The following ST3GAL2 variants were observed in gnomAD, a reference collection of about 807,000 sequenced individuals.
The protein encoded by ST3GAL2 is ST3 beta-galactoside alpha-2,3-sialyltransferase 2.
Under a neutral mutation model 37.5 loss-of-function variants are expected in ST3GAL2, and 16 were observed. The observed-to-expected ratio is 0.43, with a 90% CI of 0.29 to 0.65. ST3GAL2 has a LOEUF of 0.65. Ranked by LOEUF, ST3GAL2 falls within the 30% of genes least tolerant of loss-of-function variation. The pLI is 0.17. For missense variants in ST3GAL2, 383 were observed against 487.8 expected (o/e 0.79, Z 2.02); for synonymous variants, 238 against 202.9 (o/e 1.17, Z -1.47).
intron 1 of ST3GAL2, among the ~76,000 whole-genome samples, chr16:70,422,280 G>A (rs1345519359): frequency 6.6e-6 from 1 of 152,230 alleles, no homozygotes; most frequent in Non-Finnish European, 1.5e-5. Context: ...GTAGGCTGTG[G>A]AGTGCTGTAT....
intron 4 of ST3GAL2, among the ~76,000 whole-genome samples, chr16:70,384,264 T>C (rs1020035762): frequency 2.4e-4 from 37 of 152,166 alleles, no homozygotes; most frequent in Admixed American, 2.2e-3. Context: ...TATCCCTACA[T>C]TGGCATAGTA....
In ST3GAL2 at chr16:70,381,311, C is replaced by G. The variant is rs1280225598; in HGVS notation, c.*378G>C. On this transcript the variant is annotated 3_prime_UTR_variant, in exon 7 of 7. Coordinates refer to ENST00000342907, the MANE Select transcript of ST3GAL2 (RefSeq NM_006927.4). ...TACTAAGACGATCCTCCGCCCGAGG[C>G]TGACGGAAGTGCTTCGCCGAGGCCC... 5.2e-6 allele frequency: 1 copy of G among 193,692 alleles called. No homozygotes were observed. Among genetic ancestry groups the G allele is most frequent in the Non-Finnish European group, 1.1e-5 (1 of 92,454 alleles). 12.0% of individuals were successfully genotyped at this position (193,692 alleles called of 1,614,324 possible). A position where few individuals can be genotyped will look rare whatever the true frequency, so the allele number is the denominator to read the frequency against.
intron 1 of ST3GAL2, among the ~76,000 whole-genome samples, chr16:70,435,856 AGTAGCTCACGC>A (rs1251619488): frequency 6.6e-6 from 1 of 151,826 alleles, no homozygotes; most frequent in African/African-American, 2.4e-5. Flanking sequence ...AGCTGGGCGG[AGTAGCTCACGC>A]CTCTAATCCC....
chr16:70,421,176 A>G (rs983166339), intron 1 of ST3GAL2, among the ~76,000 whole-genome samples: 19 of 152,224 alleles, frequency 1.2e-4, no homozygotes, highest in African/African-American at 4.3e-4. Flanking sequence ...CCCGAGCTCC[A>G]GCTGAGCAGT....
intron 1 of ST3GAL2, among the ~76,000 whole-genome samples, chr16:70,431,987 T>TA (rs869225706): frequency 4.2e-5 from 5 of 117,942 alleles, no homozygotes; most frequent in East Asian, 3.9e-4. Context: ...ATATATATAT[T>TA]TTTTTTTAAC....
chr16:70,417,348 C>T (rs2047683207), intron 1 of ST3GAL2, among the ~76,000 whole-genome samples: 1 of 151,862 alleles, frequency 6.6e-6, no homozygotes, highest in South Asian at 2.1e-4. Context: ...CTCCCTGGGG[C>T]CCCACTCCCA....
intron 1 of ST3GAL2, among the ~76,000 whole-genome samples, chr16:70,414,251 G>A (rs750916804): frequency 5.9e-5 from 9 of 152,152 alleles, no homozygotes; most frequent in Non-Finnish European, 1.2e-4. Flanking sequence ...AACACAATGA[G>A]GGCAGGAGAC....
chr16:70,422,985 A>C (rs975657108), intron 1 of ST3GAL2: 6 of 152,230 alleles, frequency 3.9e-5, no homozygotes, highest in African/African-American at 1.4e-4. Context: ...CTTCCAAAGG[A>C]GGAGACAGAG....
intron 1 of ST3GAL2, among the ~76,000 whole-genome samples, chr16:70,405,533 T>C (rs1597566244): frequency 2.0e-5 from 2 of 100,110 alleles, no homozygotes; most frequent in African/African-American, 4.5e-5. Context: ...ACAGTGAGAC[T>C]CCGTCTTAAA....
chr16:70,434,442 A>C (rs1162686581), intron 1 of ST3GAL2, among the ~76,000 whole-genome samples: 1 of 145,724 alleles, frequency 6.9e-6, no homozygotes, highest in Non-Finnish European at 1.5e-5. Flanking sequence ...TCTCAAAAAC[A>C]AAAAAAAAAA....
chr16:70,428,817 G>A (rs1032703927), intron 1 of ST3GAL2, among the ~76,000 whole-genome samples: 1 of 152,202 alleles, frequency 6.6e-6, no homozygotes, highest in Non-Finnish European at 1.5e-5. Context: ...TGGCTGTGCG[G>A]CTGACCCAGC....
chr16:70,404,377 T>G (rs1278654417), intron 1 of ST3GAL2, among the ~76,000 whole-genome samples: 1 of 152,160 alleles, frequency 6.6e-6, no homozygotes. Context: ...GACCACTGGA[T>G]GGAGGGCAGT....
In ST3GAL2 at chr16:70,383,348, C is replaced by T. The variant is rs759666916; in HGVS notation, c.714-113G>A. On this transcript the variant is annotated intron_variant, in intron 4 of 6. Coordinates refer to ENST00000342907, the MANE Select transcript of ST3GAL2 (RefSeq NM_006927.4). The stretch of plus-strand genomic sequence containing the variant: ...GGTGGATCACCTGAGGCCAGGAGTT[C>T]GAGGCCAGCCGGATCACCTGAGGCC... 4.7e-4 allele frequency: 438 copies of T among 941,388 alleles called. 1 individual carries two copies. Among genetic ancestry groups the T allele is most frequent in the Non-Finnish European group, 6.3e-4 (414 of 661,340 alleles). 58.3% of individuals were successfully genotyped at this position (941,388 alleles called of 1,614,324 possible). A position where few individuals can be genotyped will look rare whatever the true frequency, so the allele number is the denominator to read the frequency against.
At chr16:70,411,798 C>A (rs1394969081) in intron 1 of ST3GAL2, among the ~76,000 whole-genome samples, 1 of 152,064 alleles carries the variant, frequency 6.6e-6, no homozygotes, top group African/African-American at 2.4e-5. Context: ...AGTTCGAGAG[C>A]AGCCTGACCA....
rs1447290595 is a variant in ST3GAL2, at chr16:70,376,908, A to C, written c.*4781T>G. 1 of 151,784 alleles carries C rather than the reference A, an allele frequency of 6.6e-6. No homozygotes were observed. Among genetic ancestry groups the C allele is most frequent in the East Asian group, 1.9e-4 (1 of 5,146 alleles). 9.4% of individuals were successfully genotyped at this position (151,784 alleles called of 1,614,324 possible). A position where few individuals can be genotyped will look rare whatever the true frequency, so the allele number is the denominator to read the frequency against. On this transcript the variant is annotated 3_prime_UTR_variant, in exon 7 of 7. Coordinates refer to ENST00000342907, the MANE Select transcript of ST3GAL2 (RefSeq NM_006927.4). ...AGCCGTCTGCCACTAAGCCTGGCCA[A>C]TTTTTTGTATTTTTAGTAGAGACGG...
chr16:70,408,365 G>T (rs916920799), intron 1 of ST3GAL2, among the ~76,000 whole-genome samples: 3 of 151,992 alleles, frequency 2.0e-5, no homozygotes, highest in African/African-American at 7.2e-5. Flanking sequence ...CCTCCTGGGT[G>T]GGGGGCAGCA....
chr16:70,411,862 C>T (rs868197998), intron 1 of ST3GAL2, among the ~76,000 whole-genome samples: 6 of 151,860 alleles, frequency 4.0e-5, no homozygotes. Context: ...GGTGTGGTGG[C>T]GGATGTCTGT....
chr16:70,399,240 G>GGCCCCA lies in ST3GAL2; in HGVS notation c.-716_-711dup, dbSNP rs1438960101. The GGCCCCA allele has an allele frequency of 4.5e-5, 18 of 398,798 alleles. No homozygotes were observed. Among genetic ancestry groups the GGCCCCA allele is most frequent in the African/African-American group, 3.7e-4 (18 of 48,766 alleles). The allele number at this position is 398,798 out of a possible 1,614,324, so 24.7% of individuals were successfully genotyped here. On this transcript the variant is annotated 5_prime_UTR_variant, in exon 2 of 7. Transcript: ENST00000342907. ...TGAGGTGCTGGTCCCTTCTCCTGGT[G>GGCCCCA]GCCCCAGCCCCAGCTGCAGTTGCGT...
At chr16:70,416,140 G>A (rs561798304) in intron 1 of ST3GAL2, among the ~76,000 whole-genome samples, 2 of 151,918 alleles carry the variant, frequency 1.3e-5, no homozygotes, top group Non-Finnish European at 2.9e-5. Context: ...CCGGATGATC[G>A]CAGTGTTGGT....
Sources: allele counts gnomAD v4.1 joint callset (sites outside exome capture counted in the v4.1 genomes callset), GRCh38; gene constraint gnomAD v4.1.1; transcripts MANE v1.5; gene names NCBI Gene and HGNC (gene_info 2026-07-23, HGNC 2026-07-21).